SOS2: variants seen among roughly 807,000 people sequenced by gnomAD.
SOS2 encodes SOS Ras/Rho guanine nucleotide exchange factor 2.
Under a neutral mutation model 148.2 loss-of-function variants are expected in SOS2, and 65 were observed. The observed-to-expected ratio is 0.44, with a 90% CI of 0.36 to 0.54. The LOEUF (loss-of-function observed/expected upper bound fraction) is 0.54, where lower values mean the gene tolerates loss of function less well. Ranked by LOEUF, SOS2 falls within the 20% of genes least tolerant of loss-of-function variation. The pLI is 0.00. For synonymous variants in SOS2, 539 were observed against 537.1 expected, an observed-to-expected ratio of 1.00 and a Z score of -0.05; for missense variants, 1,341 against 1,590.2, an observed-to-expected ratio of 0.84 and a Z score of 2.67.
rs576563145 is a variant in SOS2, at chr14:50,165,859, T to A, written c.1069-4250A>T. On this transcript the variant is annotated intron_variant, in intron 8 of 22. Coordinates refer to ENST00000216373, the MANE Select transcript of SOS2 (RefSeq NM_006939.4). ...AACTCTGTAACACGAGGTACTATAA[T>A]CATATGTTACAGATGAAGGAAATGA... is the stretch of plus-strand genomic sequence containing the variant. Among the ~76,000 whole-genome samples the A allele has an allele frequency of 3.9e-5, 6 of 152,346 alleles. No individual in the cohort carries two copies. The South Asian group carries it at 1.2e-3, about 32-fold the overall frequency.
At position 50,178,670 on chromosome 14, in the gene SOS2, G is replaced by GTGTGTA. The variant is rs1566839555; in HGVS notation, c.969+1901_969+1902insTACACA. ...CTAGTGTGTGTGTGTGTGTGTGTGT[G>GTGTGTA]CATATATATATATATATATATATAT... On this transcript the variant is annotated intron_variant, in intron 7 of 22. Coordinates refer to ENST00000216373, the MANE Select transcript of SOS2 (RefSeq NM_006939.4). Among the ~76,000 whole-genome samples, 7 of 68,012 alleles carry GTGTGTA rather than the reference G, an allele frequency of 1.0e-4. No homozygotes were observed. The South Asian group carries it at 1.9e-3, about 18-fold the overall frequency. The allele number at this position is 68,012 out of a possible 152,430, so 44.6% of individuals were successfully genotyped here.
chr14:50,123,107 G>T (rs778475017), intron 21 of SOS2, among the ~76,000 whole-genome samples: 7 of 152,172 alleles, frequency 4.6e-5, no homozygotes, highest in Admixed American at 2.0e-4. Flanking sequence ...ACATAAATAG[G>T]GTGATTAGGG....
chr14:50,220,499 C>T (rs1465565132), intron 1 of SOS2, among the ~76,000 whole-genome samples: 1 of 151,548 alleles, frequency 6.6e-6, no homozygotes, highest in African/African-American at 2.4e-5. Flanking sequence ...ATCTCTTGGC[C>T]TCACTGAAAT....
At chr14:50,208,155 C>T (rs911050871) in intron 1 of SOS2, among the ~76,000 whole-genome samples, 3 of 151,582 alleles carry the variant, frequency 2.0e-5, no homozygotes, top group South Asian at 4.2e-4. Flanking sequence ...AAATTAGCCA[C>T]GCATGGTAGA....
chr14:50,180,553 A>AG lies in SOS2; in HGVS notation c.969+18_969+19insC, dbSNP rs1885700863. 9.4e-7 allele frequency: 1 copy of AG among 1,060,228 alleles called. No homozygotes were observed. 65.7% of individuals were successfully genotyped at this position (1,060,228 alleles called of 1,614,324 possible). A position where few individuals can be genotyped will look rare whatever the true frequency, so the allele number is the denominator to read the frequency against. ...TTTATTAAAAAAAAAAAAAAAAAAA[A>AG]CCTTCAATTTAAGTTTACCTGAAAG... On this transcript the variant is annotated intron_variant, in intron 7 of 22. Transcript: ENST00000216373.
intron 7 of SOS2, among the ~76,000 whole-genome samples, chr14:50,178,664 G>A (rs1331745489): frequency 6.3e-5 from 1 of 15,824 alleles, no homozygotes; most frequent in Non-Finnish European, 1.4e-4. Context: ...GTGTGTGTGT[G>A]TGTGTGCATA....
intron 1 of SOS2, among the ~76,000 whole-genome samples, chr14:50,222,785 A>G (rs532004799): frequency 6.6e-6 from 1 of 152,298 alleles, no homozygotes; most frequent in East Asian, 1.9e-4. Context: ...TAGACTGCAG[A>G]GGGCCTAGTA....
At chr14:50,183,091 T>C (rs1885795483) in intron 5 of SOS2, among the ~76,000 whole-genome samples, 1 of 152,196 alleles carries the variant, frequency 6.6e-6, no homozygotes, top group Admixed American at 6.5e-5. Context: ...GGAAAACTCA[T>C]TCTTTGTAAA....
chr14:50,219,595 G>A (rs1167599245), intron 1 of SOS2, among the ~76,000 whole-genome samples: 2 of 152,112 alleles, frequency 1.3e-5, no homozygotes. Flanking sequence ...ATGTCTACTA[G>A]CTTTACTGGG....
Position 50,180,681 on chromosome 14 carries a change from T to C in SOS2, c.860A>G (p.Glu287Gly). 1 of 1,541,256 alleles carries C rather than the reference T, an allele frequency of 6.5e-7. No homozygotes were observed. ...TGTTTCATAAGGATCAAATGCTTGC[T>C]CCTATTTTTTTAAAAAGAGAAAAAG... ...AGSCFEDLAE[E>G]QAFDPYETLS... Residue 287 changes from glutamate (E) to glycine (G), a missense_variant and splice_region_variant, in exon 7 of 23, where the codon GAG becomes GGG. This residue lies in a region of SOS2 where 574 missense variants were observed against 711.1 expected (regional missense o/e 0.81). Coordinates refer to ENST00000216373, the MANE Select transcript of SOS2 (RefSeq NM_006939.4).
intron 5 of SOS2, among the ~76,000 whole-genome samples, chr14:50,185,041 C>G (rs1885862943): frequency 6.6e-6 from 1 of 152,146 alleles, no homozygotes; most frequent in South Asian, 2.1e-4. Context: ...ATCTCTTCAT[C>G]TGTATCATTT....
intron 1 of SOS2, among the ~76,000 whole-genome samples, chr14:50,208,950 G>A (rs1024815559): frequency 6.6e-6 from 1 of 152,148 alleles, no homozygotes; most frequent in Non-Finnish European, 1.5e-5. Flanking sequence ...ATCTCTGGAG[G>A]AGATTAACAT....
chr14:50,208,070 TG>T (rs1282381379), intron 1 of SOS2, among the ~76,000 whole-genome samples: 1 of 150,824 alleles, frequency 6.6e-6, no homozygotes, highest in Non-Finnish European at 1.5e-5. Flanking sequence ...CCGAGGCGGG[TG>T]GATCACTTGA....
intron 5 of SOS2, among the ~76,000 whole-genome samples, chr14:50,183,876 T>G (rs1885824559): frequency 6.6e-6 from 1 of 152,214 alleles, no homozygotes; most frequent in African/African-American, 2.4e-5. Flanking sequence ...AAGACGGGTA[T>G]GTTCTGAGAA....
intron 10 of SOS2, 74 bp downstream of exon 10, chr14:50,159,357 A>T (rs1003560682): frequency 9.4e-6 from 9 of 954,684 alleles, no homozygotes; most frequent in Non-Finnish European, 1.4e-5. Context: ...CCAAGCCTCA[A>T]ATATTTTTGA....
At chr14:50,142,498 T>A (rs1884329126) in intron 16 of SOS2, among the ~76,000 whole-genome samples, 1 of 152,192 alleles carries the variant, frequency 6.6e-6, no homozygotes, top group Non-Finnish European at 1.5e-5. Context: ...CCCACATTAT[T>A]CTCAATACTT....
intron 4 of SOS2, among the ~76,000 whole-genome samples, chr14:50,190,501 C>A (rs1468762905): frequency 6.6e-6 from 1 of 152,168 alleles, no homozygotes; most frequent in Non-Finnish European, 1.5e-5. Flanking sequence ...GGTCAGCTCT[C>A]TCCATCTTAC....
intron 19 of SOS2, 67 bp from the exon 20 acceptor site, chr14:50,130,829 A>G (rs1361500962): frequency 2.8e-6 from 4 of 1,405,716 alleles, no homozygotes; most frequent in African/African-American, 2.9e-5. Flanking sequence ...TGTGACTTAG[A>G]GCTACCTTAT....
At position 50,158,421 on chromosome 14, in the gene SOS2, A is replaced by T. The variant is rs959498084; in HGVS notation, c.1934+144T>A. On this transcript the variant is annotated intron_variant, in intron 11 of 22. Coordinates refer to ENST00000216373, the MANE Select transcript of SOS2 (RefSeq NM_006939.4). Reference sequence around the variant, plus strand: ...AGATTTTAGGGAGTACTCCATTTGAAGAGAATAGTAATACTGCCAATTTAA... The same window carrying T: ...AGATTTTAGGGAGTACTCCATTTGATGAGAATAGTAATACTGCCAATTTAA... The T allele has an allele frequency of 5.6e-6, 3 of 535,966 alleles. No homozygotes were observed. In the Admixed American group the frequency reaches 1.1e-4, roughly 19 times the overall value. 33.2% of individuals were successfully genotyped at this position (535,966 alleles called of 1,614,324 possible). A position where few individuals can be genotyped will look rare whatever the true frequency, so the allele number is the denominator to read the frequency against.
Sources: allele counts gnomAD v4.1 joint callset (sites outside exome capture counted in the v4.1 genomes callset), GRCh38; gene constraint gnomAD v4.1.1; regional missense constraint gnomAD v4.1.1; transcripts MANE v1.5; gene names NCBI Gene and HGNC (gene_info 2026-07-23, HGNC 2026-07-21).